ANK3: variants seen among roughly 807,000 people sequenced by gnomAD.
The protein encoded by ANK3 is ankyrin 3, also known as ankyrin-3.
Under a neutral mutation model 370.9 loss-of-function variants are expected in ANK3, and 57 were observed. That is an observed-to-expected ratio of 0.15 (90% CI 0.12 to 0.19). The LOEUF is 0.19. ANK3 is among the 10% of genes least tolerant of loss of function. The pLI, the probability that ANK3 is intolerant of heterozygous loss-of-function variation, is 1.00. For missense variants in ANK3, 4,439 were observed against 5,302.1 expected (o/e 0.84, Z 5.06); for synonymous variants, 1,929 against 1,946.3 (o/e 0.99, Z 0.23).
At chr10:60,220,770 C>A (rs1229337720) in intron 8 of ANK3, among the ~76,000 whole-genome samples, 1 of 152,170 alleles carries the variant, frequency 6.6e-6, no homozygotes, top group African/African-American at 2.4e-5. Flanking sequence ...CCACCTTGGG[C>A]ACAGGTTCTC....
At chr10:60,156,586 T>A in intron 23 of ANK3, among the ~76,000 whole-genome samples, 1 of 152,218 alleles carries the variant, frequency 6.6e-6, no homozygotes, top group East Asian at 1.9e-4. Flanking sequence ...GTGCAGAGAC[T>A]GACTTCCTTT....
chr10:60,666,788 G>C (rs2079002325), intron 1 of ANK3, among the ~76,000 whole-genome samples: 1 of 152,086 alleles, frequency 6.6e-6, no homozygotes, highest in Admixed American at 6.5e-5. Flanking sequence ...GAAAAAGGTG[G>C]CATTTCCTTC....
At position 60,461,277 on chromosome 10, in the gene ANK3, A is replaced by C. The variant is rs74980813; in HGVS notation, c.96+153909T>G. Among the ~76,000 whole-genome samples the C allele has an allele frequency of 8.0e-3, 1,221 of 152,300 alleles. 18 individuals are homozygous for C. Among genetic ancestry groups the C allele is most frequent in the African/African-American group, 0.028 (1,151 of 41,572 alleles). ...CTCAAACCTAAACCACAATCAATGA[A>C]TGCTATACTTACCATGCTACTTCTT... On this transcript the variant is annotated intron_variant, in intron 2 of 43. Transcript: ENST00000373827.
intron 36 of ANK3, among the ~76,000 whole-genome samples, chr10:60,077,859 C>G (rs1445165325): frequency 2.0e-5 from 3 of 152,178 alleles, no homozygotes; most frequent in Non-Finnish European, 4.4e-5. Flanking sequence ...AACACTGAAG[C>G]AGTCACGAGG....
intron 2 of ANK3, among the ~76,000 whole-genome samples, chr10:60,472,790 T>C (rs751979376): frequency 6.6e-6 from 1 of 152,168 alleles, no homozygotes; most frequent in Non-Finnish European, 1.5e-5. Flanking sequence ...TGGTAGAAAT[T>C]GACTGAATAT....
intron 40 of ANK3, chr10:60,060,190 C>T (rs955003502): frequency 4.4e-6 from 2 of 451,524 alleles, no homozygotes; most frequent in Non-Finnish European, 7.6e-6. Context: ...CTAGTGCAAA[C>T]TCCAATAAAA....
intron 2 of ANK3, among the ~76,000 whole-genome samples, chr10:60,515,307 C>T (rs896054472): frequency 5.3e-5 from 8 of 152,078 alleles, no homozygotes; most frequent in Admixed American, 5.2e-4. Context: ...CATAAGCACT[C>T]CCCAGTGGTT....
chr10:60,462,254 G>A (rs557460202), intron 2 of ANK3, among the ~76,000 whole-genome samples: 13 of 152,028 alleles, frequency 8.6e-5, no homozygotes, highest in Non-Finnish European at 1.9e-4. Flanking sequence ...GAGAAGACTC[G>A]TTTTAATGAG....
intron 2 of ANK3, among the ~76,000 whole-genome samples, chr10:60,468,693 C>T (rs771864023): frequency 2.0e-5 from 3 of 151,656 alleles, no homozygotes; most frequent in Non-Finnish European, 4.4e-5. Context: ...CTTTAAAATG[C>T]AGCTTTAAAA....
chr10:60,452,410 C>A (rs1264550504), intron 2 of ANK3, among the ~76,000 whole-genome samples: 1 of 152,174 alleles, frequency 6.6e-6, no homozygotes, highest in Non-Finnish European at 1.5e-5. Context: ...AGAATGGCTG[C>A]TCCCACCTCA....
In ANK3 at chr10:60,071,689, A is replaced by G; in HGVS notation, c.9192T>C (p.Asp3064=). ...CATCAATGGGACTGTGGTCGAATAC[A>G]TCACTAGAGGGAGATTCCTTTCCTG... The part of the protein sequence containing the change: ...FSPGKESPSS[D]VFDHSPIDGL... The change falls in exon 37 of 44, where the codon GAT becomes GAC. Residue 3064 remains aspartate (D), a synonymous_variant. Transcript: ENST00000280772. 1 of 1,601,356 alleles carries G rather than the reference A, an allele frequency of 6.2e-7. No homozygotes were observed.
At chr10:60,542,492 G>A (rs138197587) in intron 2 of ANK3, among the ~76,000 whole-genome samples, 103 of 151,850 alleles carry the variant, frequency 6.8e-4, no homozygotes, top group African/African-American at 1.7e-3. Flanking sequence ...GACAAATCCC[G>A]CAGGTTTATT....
intron 40 of ANK3, among the ~76,000 whole-genome samples, chr10:60,060,905 AG>A (rs1252838226): frequency 6.6e-6 from 1 of 152,140 alleles, no homozygotes; most frequent in African/African-American, 2.4e-5. Flanking sequence ...ACAAAAGGGG[AG>A]GGGGGAACGA....
chr10:60,255,660 G>A (rs2893829), intron 7 of ANK3, among the ~76,000 whole-genome samples: 3 of 123,918 alleles, frequency 2.4e-5, no homozygotes, highest in African/African-American at 1.1e-4. Context: ...ACATTGAAGG[G>A]AAGGAAGGCC....
At chr10:60,530,507 A>G (rs928727223) in intron 2 of ANK3, among the ~76,000 whole-genome samples, 2 of 151,856 alleles carry the variant, frequency 1.3e-5, no homozygotes, top group Admixed American at 6.6e-5. Flanking sequence ...AAGAAAACTA[A>G]GGCACTGGGG....
At chr10:60,112,969 T>A (rs2092818977) in intron 26 of ANK3, among the ~76,000 whole-genome samples, 1 of 152,240 alleles carries the variant, frequency 6.6e-6, no homozygotes, top group Admixed American at 6.5e-5. Flanking sequence ...ATCATTTTAA[T>A]GAATTATTTT....
Position 60,029,372 on chromosome 10 carries a change from A to C in ANK3, c.*474T>G, listed in dbSNP as rs2072769380. 6.6e-6 allele frequency: 1 copy of C among 152,570 alleles called. No individual in the cohort carries two copies. Among genetic ancestry groups the C allele is most frequent in the South Asian group, 2.1e-4 (1 of 4,822 alleles). The allele number at this position is 152,570 out of a possible 1,614,324, so 9.5% of individuals were successfully genotyped here. A position where few individuals can be genotyped will look rare whatever the true frequency, so the allele number is the denominator to read the frequency against. ...GTTATTATTTACAGCAAAACTATCGATGTTTTAAAAAAGAAACAAATAGTG... is the reference window on the plus strand; with the variant it reads ...GTTATTATTTACAGCAAAACTATCGCTGTTTTAAAAAAGAAACAAATAGTG... On this transcript the variant is annotated 3_prime_UTR_variant, in exon 44 of 44. Transcript: ENST00000280772.
chr10:60,505,311 AAGAT>A (rs1296382742), intron 2 of ANK3, among the ~76,000 whole-genome samples: 4 of 152,150 alleles, frequency 2.6e-5, no homozygotes, highest in African/African-American at 9.6e-5. Context: ...TATAGCATAA[AAGAT>A]ATATATATAA....
intron 1 of ANK3, among the ~76,000 whole-genome samples, chr10:60,343,075 G>A (rs1241822451): frequency 6.6e-6 from 1 of 152,132 alleles, no homozygotes; most frequent in Non-Finnish European, 1.5e-5. Context: ...TCAAGGACAG[G>A]AGGACACATA....
Sources: gnomAD v4.1 joint callset for allele counts (sites outside exome capture counted in the v4.1 genomes callset) on GRCh38, gnomAD v4.1.1 for gene constraint, MANE v1.5 for transcripts, NCBI Gene and HGNC (gene_info 2026-07-23, HGNC 2026-07-21) for gene names.